The following DPP10 variants were observed in gnomAD, a reference collection of about 807,000 sequenced individuals.
DPP10 encodes the protein dipeptidyl peptidase like 10.
DPP10 carries 33 observed loss-of-function variants against 120.9 expected under a neutral mutation model. The ratio of observed to expected loss-of-function variants is 0.27; its 90% CI spans 0.21 to 0.37. The LOEUF (loss-of-function observed/expected upper bound fraction) is 0.37, where lower values mean the gene tolerates loss of function less well. Among genes scored for constraint, DPP10 ranks in the 10% least tolerant of loss-of-function variants. The pLI, the probability that DPP10 is intolerant of heterozygous loss-of-function variation, is 1.00. For synonymous variants in DPP10, 337 were observed against 326.1 expected, an observed-to-expected ratio of 1.03 and a Z score of -0.36; for missense variants, 816 against 942.8, an observed-to-expected ratio of 0.87 and a Z score of 1.76.
At chr2:115,681,941 G>T (rs2149476308) in intron 5 of DPP10, among the ~76,000 whole-genome samples, 1 of 151,818 alleles carries the variant, frequency 6.6e-6, no homozygotes, top group Middle Eastern at 3.4e-3. Flanking sequence ...GAAATGAAAT[G>T]ACCACTTTTC....
At chr2:115,658,085 C>T (rs2088558836) in intron 5 of DPP10, among the ~76,000 whole-genome samples, 1 of 151,876 alleles carries the variant, frequency 6.6e-6, no homozygotes, top group African/African-American at 2.4e-5. Context: ...GTATGAACTA[C>T]TATTTTTGGG....
intron 9 of DPP10, among the ~76,000 whole-genome samples, chr2:115,744,669 A>C (rs574570059): frequency 1.3e-5 from 2 of 150,382 alleles, no homozygotes; most frequent in South Asian, 4.2e-4. Context: ...CAGATGTGCT[A>C]GTCTCTTTTG....
intron 19 of DPP10, among the ~76,000 whole-genome samples, chr2:115,809,299 C>A (rs1686365919): frequency 6.6e-6 from 1 of 152,152 alleles, no homozygotes; most frequent in Admixed American, 6.5e-5. Context: ...CTTCATTATA[C>A]TTTAGATACA....
At position 114,726,499 on chromosome 2, in the gene DPP10, G is replaced by A. The variant is rs571211324; in HGVS notation, c.60+283661G>A. 2.9e-4 allele frequency among the ~76,000 whole-genome samples: 44 copies of A among 152,302 alleles called. 1 individual carries two copies. Among genetic ancestry groups the A allele is most frequent in the African/African-American group, 1.0e-3 (43 of 41,574 alleles). On this transcript the variant is annotated intron_variant, in intron 1 of 25. Transcript: ENST00000410059. ...AAAAAGCCACTGACAAACATTTCAA[G>A]TTAGGCCTGGTGGCACTGCACTTAA...
chr2:115,780,806 T>A lies in DPP10; in HGVS notation c.1362-68T>A, dbSNP rs971160516. 2.1e-6 allele frequency: 3 copies of A among 1,424,398 alleles called. No homozygotes were observed. In the African/African-American group the frequency reaches 4.3e-5, roughly 20 times the overall value. 88.2% of individuals were successfully genotyped at this position (1,424,398 alleles called of 1,614,324 possible). A position where few individuals can be genotyped will look rare whatever the true frequency, so the allele number is the denominator to read the frequency against. On this transcript the variant is annotated intron_variant, in intron 15 of 25. Coordinates refer to ENST00000410059, the MANE Select transcript of DPP10 (RefSeq NM_020868.6). ...CCCTTGTTTATATTATATTTAAATA[T>A]GAACACCACACATTCAAGTGCCTAG...
rs1363286418 is a variant in DPP10, at chr2:115,780,958, T to C, written c.1446T>C (p.Phe482=). The C allele has an allele frequency of 1.3e-6, 2 of 1,599,070 alleles. No homozygotes were observed. The highest frequency in any genetic ancestry group is 3.4e-5 in the Admixed American group (2 of 59,660). Residue 482 remains phenylalanine (F), a synonymous_variant, in exon 16 of 26, where the codon TTT becomes TTC. Transcript: ENST00000410059. ...KEQCTYFDAS[F]SPMNQHFLLF... Reference sequence around the variant, plus strand: ...AATGTACATATTTTGATGCCAGTTTTAGTCCCATGAATCAACATTTCTTAT... The same window carrying C: ...AATGTACATATTTTGATGCCAGTTTCAGTCCCATGAATCAACATTTCTTAT...
chr2:114,737,439 A>T (rs200045315), intron 1 of DPP10, among the ~76,000 whole-genome samples: 1 of 152,230 alleles, frequency 6.6e-6, no homozygotes, highest in Non-Finnish European at 1.5e-5. Context: ...TGCAGGAGAG[A>T]GAAATCTGCC....
intron 3 of DPP10, among the ~76,000 whole-genome samples, chr2:115,449,806 C>T (rs1558677888): frequency 6.6e-6 from 1 of 151,968 alleles, no homozygotes; most frequent in Non-Finnish European, 1.5e-5. Flanking sequence ...TGAGTTTGTG[C>T]CATAAATAGC....
intron 1 of DPP10, among the ~76,000 whole-genome samples, chr2:115,099,064 C>A (rs2048547782): frequency 6.7e-6 from 1 of 149,006 alleles, no homozygotes; most frequent in Non-Finnish European, 1.5e-5. Flanking sequence ...GCGGGCGGAT[C>A]ACTTGAGGTC....
chr2:115,662,243 C>A (rs1308016165), intron 5 of DPP10, among the ~76,000 whole-genome samples: 1 of 152,134 alleles, frequency 6.6e-6, no homozygotes, highest in Non-Finnish European at 1.5e-5. Context: ...ATAAACCACA[C>A]CTTCTTTATC....
At chr2:115,818,380 T>C (rs1488016900) in intron 21 of DPP10, among the ~76,000 whole-genome samples, 1 of 152,242 alleles carries the variant, frequency 6.6e-6, no homozygotes, top group African/African-American at 2.4e-5. Flanking sequence ...TCCTGATACA[T>C]GTAATAATTT....
chr2:115,664,269 A>G lies in DPP10; in HGVS notation c.442-25418A>G, dbSNP rs546397156. Among the ~76,000 whole-genome samples the G allele has an allele frequency of 8.5e-3, 1,295 of 152,008 alleles. 17 individuals are homozygous for G. Among genetic ancestry groups the G allele is most frequent in the African/African-American group, 0.03 (1,246 of 41,516 alleles). On this transcript the variant is annotated intron_variant, in intron 5 of 25. Transcript: ENST00000410059. Reference sequence around the variant, plus strand: ...AATATAATACATAAGGTACCAAAAAAGTATACTTAAGAATTACAAATAATT... The same window carrying G: ...AATATAATACATAAGGTACCAAAAAGGTATACTTAAGAATTACAAATAATT...
At chr2:114,723,709 C>T (rs1050307072) in intron 1 of DPP10, among the ~76,000 whole-genome samples, 1 of 151,736 alleles carries the variant, frequency 6.6e-6, no homozygotes, top group Non-Finnish European at 1.5e-5. Context: ...CTCTTTAGTG[C>T]TATTTTTTTT....
chr2:114,499,056 C>T (rs771294941), intron 1 of DPP10, among the ~76,000 whole-genome samples: 2 of 152,196 alleles, frequency 1.3e-5, no homozygotes, highest in Non-Finnish European at 2.9e-5. Flanking sequence ...AACAGAAAGA[C>T]AAATCCCATA....
At chr2:115,000,468 T>G (rs184035688) in intron 1 of DPP10, among the ~76,000 whole-genome samples, 1 of 152,294 alleles carries the variant, frequency 6.6e-6, no homozygotes, top group African/African-American at 2.4e-5. Context: ...ATCTAGTTAA[T>G]TCATTCAGAA....
chr2:115,475,242 G>T (rs934667751), intron 3 of DPP10, among the ~76,000 whole-genome samples: 7 of 152,194 alleles, frequency 4.6e-5, no homozygotes, highest in African/African-American at 1.7e-4. Context: ...GCAGCCTTGG[G>T]ACACTACTCC....
chr2:115,396,904 A>G (rs1030576069), intron 3 of DPP10, among the ~76,000 whole-genome samples: 3 of 152,142 alleles, frequency 2.0e-5, no homozygotes, highest in East Asian at 1.9e-4. Context: ...AAAATCTCCT[A>G]TCTCCTTATT....
At chr2:114,869,294 C>T (rs1268944210) in intron 1 of DPP10, among the ~76,000 whole-genome samples, 2 of 152,014 alleles carry the variant, frequency 1.3e-5, no homozygotes, top group African/African-American at 2.4e-5. Flanking sequence ...TGCTCCTTAA[C>T]TGATTGTGAA....
At chr2:114,672,280 AAG>A (rs1400132344) in intron 1 of DPP10, among the ~76,000 whole-genome samples, 1 of 152,180 alleles carries the variant, frequency 6.6e-6, no homozygotes, top group Non-Finnish European at 1.5e-5. Context: ...GTAGACAAAA[AAG>A]AGCACTTGGA....
Sources: allele counts gnomAD v4.1 joint callset (sites outside exome capture counted in the v4.1 genomes callset), GRCh38; gene constraint gnomAD v4.1.1; transcripts MANE v1.5; gene names NCBI Gene and HGNC (gene_info 2026-07-23, HGNC 2026-07-21).